Variants in MCTP1 observed in about 807,000 individuals in gnomAD.
The protein encoded by MCTP1 is multiple C2 and transmembrane domain containing 1.
In MCTP1, 69 loss-of-function variants were observed where a neutral mutation model predicts 120.6. The ratio of observed to expected loss-of-function variants is 0.57; its 90% confidence interval spans 0.47 to 0.70. MCTP1 has a LOEUF of 0.70. MCTP1 is among the 30% of genes least tolerant of loss of function. The pLI is 0.00. For missense variants in MCTP1, 1,203 were observed against 1,248.8 expected (o/e 0.96, Z 0.55); for synonymous variants, 529 against 493.1 (o/e 1.07, Z -0.96).
At chr5:95,117,852 T>C (rs1357208769) in intron 1 of MCTP1, among the ~76,000 whole-genome samples, 2 of 152,192 alleles carry the variant, frequency 1.3e-5, no homozygotes, top group Non-Finnish European at 2.9e-5. Flanking sequence ...AATGAGATCA[T>C]GTTTTTTGCA....
At chr5:94,718,348 TAACTC>T in intron 19 of MCTP1, among the ~76,000 whole-genome samples, 1 of 152,188 alleles carries the variant, frequency 6.6e-6, no homozygotes, top group Middle Eastern at 3.4e-3. Context: ...TATAAAAAAT[TAACTC>T]AAGATGGACT....
chr5:95,220,541 T>C (rs1169058807), intron 1 of MCTP1, among the ~76,000 whole-genome samples: 1 of 152,190 alleles, frequency 6.6e-6, no homozygotes, highest in Non-Finnish European at 1.5e-5. Flanking sequence ...AAGACTTTGA[T>C]GTTGAGGCCA....
chr5:95,222,457 T>C (rs558692597), intron 1 of MCTP1, among the ~76,000 whole-genome samples: 18 of 152,374 alleles, frequency 1.2e-4, no homozygotes, highest in Admixed American at 5.2e-4. Context: ...TTTTAAAGAT[T>C]CTTTCAGCAT....
At chr5:94,829,184 C>T (rs1211327523) in intron 17 of MCTP1, among the ~76,000 whole-genome samples, 6 of 152,180 alleles carry the variant, frequency 3.9e-5, no homozygotes, top group African/African-American at 9.7e-5. Context: ...CTGTTCCTCA[C>T]GGCATGGTCC....
chr5:94,867,112 C>T (rs1202538286), intron 17 of MCTP1: 1 of 815,862 alleles, frequency 1.2e-6, no homozygotes, highest in African/African-American at 1.8e-5. Flanking sequence ...AAAAGTACCT[C>T]CTGGCTAGGG....
intron 1 of MCTP1, among the ~76,000 whole-genome samples, chr5:95,051,894 G>A (rs1461969780): frequency 6.6e-6 from 1 of 152,052 alleles, no homozygotes; most frequent in Admixed American, 6.6e-5. Flanking sequence ...AAGGTGGAGG[G>A]TGGAGGAAGG....
chr5:94,897,999 G>T (rs867101504), intron 10 of MCTP1, among the ~76,000 whole-genome samples: 1 of 152,080 alleles, frequency 6.6e-6, no homozygotes, highest in South Asian at 2.1e-4. Context: ...CTTATAAGAT[G>T]ATTAAGAAAA....
chr5:95,147,549 T>C (rs1760509298), intron 1 of MCTP1, among the ~76,000 whole-genome samples: 1 of 152,236 alleles, frequency 6.6e-6, no homozygotes, highest in South Asian at 2.1e-4. Context: ...TCCTTTTGCA[T>C]GATAGATCTT....
At chr5:94,860,199 C>A (rs1280145901) in intron 17 of MCTP1, among the ~76,000 whole-genome samples, 1 of 151,698 alleles carries the variant, frequency 6.6e-6, no homozygotes, top group African/African-American at 2.4e-5. Context: ...CCTTCCCCAA[C>A]ACTTCCAATG....
chr5:94,825,880 A>ATT lies in MCTP1; in HGVS notation c.2437-26750_2437-26749dup, dbSNP rs35182875. ...TTCGATCTTTGTTAGTTTAACATCT[A>ATT]TTTTTTTTTTTTCAATTTGAGAGCA... On this transcript the variant is annotated intron_variant, in intron 17 of 22. Transcript: ENST00000515393. 164 of 157,864 alleles carry ATT rather than the reference A, an allele frequency of 1.0e-3. 2 individuals carry two copies. The East Asian group carries it at 0.021, about 20-fold the overall frequency. The allele number at this position is 157,864 out of a possible 1,614,324, so 9.8% of individuals were successfully genotyped here. A position where few individuals can be genotyped will look rare whatever the true frequency, so the allele number is the denominator to read the frequency against.
intron 12 of MCTP1, among the ~76,000 whole-genome samples, chr5:94,875,399 A>AT (rs1798623980): frequency 6.6e-6 from 1 of 151,882 alleles, no homozygotes; most frequent in South Asian, 2.1e-4. Flanking sequence ...GGGGGGTTGG[A>AT]GGGGTGGTAG....
chr5:94,740,735 A>G (rs1765340232), intron 19 of MCTP1, among the ~76,000 whole-genome samples: 1 of 152,212 alleles, frequency 6.6e-6, no homozygotes, highest in African/African-American at 2.4e-5. Flanking sequence ...TGTGCAGAGT[A>G]TAGCAGGCCA....
chr5:95,055,795 A>G (rs969355021), intron 1 of MCTP1, among the ~76,000 whole-genome samples: 1 of 152,206 alleles, frequency 6.6e-6, no homozygotes, highest in Non-Finnish European at 1.5e-5. Context: ...GTAAAGTAGG[A>G]TCAATAATAT....
intron 17 of MCTP1, among the ~76,000 whole-genome samples, chr5:94,805,348 C>T (rs968057383): frequency 3.3e-5 from 5 of 152,052 alleles, no homozygotes; most frequent in East Asian, 1.9e-4. Context: ...GTAAATAGGC[C>T]GGGCACTGTG....
chr5:95,060,567 T>C (rs559135620), intron 1 of MCTP1, among the ~76,000 whole-genome samples: 3 of 152,334 alleles, frequency 2.0e-5, no homozygotes, highest in African/African-American at 7.2e-5. Context: ...ATGAATCTTT[T>C]TCCTTTCTGT....
intron 1 of MCTP1, among the ~76,000 whole-genome samples, chr5:95,118,853 T>C (rs916853682): frequency 1.4e-4 from 22 of 152,198 alleles, no homozygotes; most frequent in African/African-American, 5.1e-4. Context: ...CAAATATACA[T>C]GTACCTAACA....
rs1376507079 is a variant in MCTP1 at position 94,704,712 on chromosome 5, G to A, written c.*2784C>T. 6.6e-6 allele frequency: 1 copy of A among 150,898 alleles called. No individual in the cohort carries two copies. The highest frequency in any genetic ancestry group is 2.4e-5 in the African/African-American group (1 of 41,170). 9.3% of individuals were successfully genotyped at this position (150,898 alleles called of 1,614,324 possible). A position where few individuals can be genotyped will look rare whatever the true frequency, so the allele number is the denominator to read the frequency against. ...TAACAGGGTCATACAGTTGGTATTC[G>A]ATAAATATATCACAGAGTCCTTTTA... is the stretch of plus-strand genomic sequence containing the variant. On this transcript the variant is annotated 3_prime_UTR_variant, in exon 23 of 23. Coordinates refer to ENST00000515393, the MANE Select transcript of MCTP1 (RefSeq NM_024717.7).
intron 1 of MCTP1, among the ~76,000 whole-genome samples, chr5:95,143,449 C>G (rs1405611010): frequency 6.6e-6 from 1 of 152,048 alleles, no homozygotes; most frequent in Admixed American, 6.6e-5. Context: ...TCAGAGAGTA[C>G]ATGTGCAGGT....
chr5:95,146,841 G>A (rs145384064), intron 1 of MCTP1, among the ~76,000 whole-genome samples: 111 of 152,180 alleles, frequency 7.3e-4, no homozygotes, highest in East Asian at 1.9e-3. Flanking sequence ...GATAAAAACC[G>A]TGTATATTTT....
Sources: allele counts gnomAD v4.1 joint callset (sites outside exome capture counted in the v4.1 genomes callset), GRCh38; gene constraint gnomAD v4.1.1; transcripts MANE v1.5; gene names NCBI Gene and HGNC (gene_info 2026-07-23, HGNC 2026-07-21).